The following DIP2C variants were observed in gnomAD, a reference collection of about 807,000 sequenced individuals.
The protein encoded by DIP2C is DIP2 acetate--CoA ligase C (putative), also known as disco-interacting protein 2 homolog C.
Under a neutral mutation model 192.4 loss-of-function variants are expected in DIP2C, and 33 were observed. That is an observed-to-expected ratio of 0.17 (90% confidence interval 0.13 to 0.23). DIP2C has a LOEUF of 0.23. Ranked by LOEUF, DIP2C falls within the 10% of genes least tolerant of loss-of-function variation. The pLI is 1.00. For synonymous variants in DIP2C, 979 were observed against 864.1 expected, an observed-to-expected ratio of 1.13 and a Z score of -2.33; for missense variants, 1,537 against 2,110.1, an observed-to-expected ratio of 0.73 and a Z score of 5.32.
At chr10:321,494 C>G (rs982351476) in intron 31 of DIP2C, among the ~76,000 whole-genome samples, 1 of 151,300 alleles carries the variant, frequency 6.6e-6, no homozygotes, top group East Asian at 2.0e-4. Flanking sequence ...CTCCATCAGG[C>G]GTCCCCCACC....
chr10:305,729 C>CT (rs1956285762), intron 32 of DIP2C, among the ~76,000 whole-genome samples: 4 of 152,214 alleles, frequency 2.6e-5, no homozygotes, highest in Non-Finnish European at 5.9e-5. Context: ...ACTGTAGCCT[C>CT]TAACTCTCAG....
chr10:604,636 A>G (rs1852337510), intron 1 of DIP2C, among the ~76,000 whole-genome samples: 1 of 152,262 alleles, frequency 6.6e-6, no homozygotes, highest in African/African-American at 2.4e-5. Flanking sequence ...CTTATTACAA[A>G]ACAGCTTCTC....
At chr10:504,719 G>A (rs1442796252) in intron 1 of DIP2C, among the ~76,000 whole-genome samples, 2 of 152,226 alleles carry the variant, frequency 1.3e-5, no homozygotes, top group African/African-American at 4.8e-5. Flanking sequence ...ACATCTTACT[G>A]TTTCCTAAGA....
chr10:329,442 C>G lies in DIP2C; in HGVS notation c.3744G>C (p.Glu1248Asp). ...CAAGGGAGCTGCTTACCTTGAGGGA[C>G]TCTGTTTGCGAGCCCAGCCCCTTGG... Reference protein sequence around the residue: ...LCTKGLGSQTESLKARGLDLS... With the variant: ...LCTKGLGSQTDSLKARGLDLS... The change falls in exon 30 of 37, where the codon GAG becomes GAC. Residue 1248 changes from glutamate (E) to aspartate (D), a missense_variant. Physicochemically the swap from Glu to Asp is conservative, Grantham distance 45. Transcript: ENST00000280886. The G allele has an allele frequency of 6.2e-7, 1 of 1,613,376 alleles. No individual in the cohort carries two copies. Among genetic ancestry groups the G allele is most frequent in the South Asian group, 1.1e-5 (1 of 90,916 alleles).
intron 1 of DIP2C, among the ~76,000 whole-genome samples, chr10:686,265 C>T (rs2097841432): frequency 6.6e-6 from 1 of 151,968 alleles, no homozygotes; most frequent in Non-Finnish European, 1.5e-5. Flanking sequence ...GCCTCCTCAC[C>T]TGCAGGGCCT....
chr10:490,006 G>A (rs1429865639), intron 1 of DIP2C, among the ~76,000 whole-genome samples: 2 of 52,804 alleles, frequency 3.8e-5, no homozygotes, highest in African/African-American at 1.1e-4. Flanking sequence ...TGGCTCTGAC[G>A]GTGCCTGGGG....
intron 9 of DIP2C, among the ~76,000 whole-genome samples, chr10:405,023 A>C (rs1175913784): frequency 1.3e-5 from 2 of 152,352 alleles, no homozygotes; most frequent in East Asian, 3.9e-4. Flanking sequence ...AAAAAACACC[A>C]GGAAACGTTA....
At chr10:574,382 T>TA (rs1223352277) in intron 1 of DIP2C, among the ~76,000 whole-genome samples, 2 of 152,188 alleles carry the variant, frequency 1.3e-5, no homozygotes, top group Non-Finnish European at 2.9e-5. Context: ...ATACAAATGA[T>TA]AAAGTAGAAT....
chr10:450,379 T>C (rs887812255), intron 3 of DIP2C, among the ~76,000 whole-genome samples: 10 of 152,230 alleles, frequency 6.6e-5, no homozygotes, highest in African/African-American at 2.4e-4. Context: ...AGATTTAAGA[T>C]GTTTACGTAT....
intron 31 of DIP2C, among the ~76,000 whole-genome samples, chr10:324,019 G>A (rs372469381): frequency 1.3e-5 from 2 of 152,212 alleles, no homozygotes; most frequent in East Asian, 3.9e-4. Context: ...GGCTGCCTTC[G>A]CTGGACTCTC....
chr10:385,496 T>C (rs1245104665), intron 14 of DIP2C, among the ~76,000 whole-genome samples: 1 of 152,226 alleles, frequency 6.6e-6, no homozygotes, highest in African/African-American at 2.4e-5. Flanking sequence ...CCCGGTGTGT[T>C]ATGCTAACTT....
intron 1 of DIP2C, among the ~76,000 whole-genome samples, chr10:508,929 G>C (rs1417580070): frequency 6.6e-6 from 1 of 152,172 alleles, no homozygotes; most frequent in African/African-American, 2.4e-5. Flanking sequence ...TCCACCTCCA[G>C]GGTCAGCCAC....
At chr10:375,890 C>T (rs1403361569) in intron 17 of DIP2C, among the ~76,000 whole-genome samples, 3 of 152,016 alleles carry the variant, frequency 2.0e-5, no homozygotes, top group South Asian at 2.1e-4. Context: ...TTATCTTATA[C>T]GGGCGATCTC....
chr10:385,077 C>A (rs1962771258), intron 14 of DIP2C, among the ~76,000 whole-genome samples: 1 of 151,446 alleles, frequency 6.6e-6, no homozygotes, highest in Admixed American at 6.6e-5. Flanking sequence ...TCAGGGAGCG[C>A]CACGGACACC....
At chr10:367,402 G>A (rs753192731) in intron 18 of DIP2C, among the ~76,000 whole-genome samples, 4 of 149,554 alleles carry the variant, frequency 2.7e-5, no homozygotes, top group Non-Finnish European at 4.4e-5. Flanking sequence ...GGGCGACAGC[G>A]AGACTCCGTC....
At chr10:586,678 C>A (rs1851053124) in intron 1 of DIP2C, among the ~76,000 whole-genome samples, 1 of 152,230 alleles carries the variant, frequency 6.6e-6, no homozygotes, top group South Asian at 2.1e-4. Context: ...GGGAAAAACA[C>A]CATCTCAAGA....
rs146673735 is a variant in DIP2C, at chr10:538,331, T to C, written c.86-51801A>G. Among the ~76,000 whole-genome samples the C allele has an allele frequency of 2.9e-4, 44 of 152,256 alleles. 2 individuals carry two copies. The East Asian group carries it at 8.3e-3, about 29-fold the overall frequency. On this transcript the variant is annotated intron_variant, in intron 1 of 36. Transcript: ENST00000280886. ...ACCACCACACTCGGCTAGTTCTTTT[T>C]TGTAGAGATGGGATCTTGCTATCTG...
At chr10:323,779 G>A (rs966237774) in intron 31 of DIP2C, among the ~76,000 whole-genome samples, 5 of 152,016 alleles carry the variant, frequency 3.3e-5, no homozygotes, top group Non-Finnish European at 5.9e-5. Flanking sequence ...AACATTTCAG[G>A]CTTTCCTTAT....
In DIP2C at chr10:524,254, C is replaced by G. The variant is rs146595537; in HGVS notation, c.86-37724G>C. Among the ~76,000 whole-genome samples the G allele has an allele frequency of 5.2e-3, 791 of 152,320 alleles. 8 individuals carry two copies. Among genetic ancestry groups the G allele is most frequent in the African/African-American group, 0.018 (743 of 41,574 alleles). ...TTCTTGAAGTGGCTGCAGAAAAACC[C>G]CTGCTTCCAAACCCTGGTACAGACT... On this transcript the variant is annotated intron_variant, in intron 1 of 36. Transcript: ENST00000280886.
Sources: gnomAD v4.1 joint callset for allele counts (sites outside exome capture counted in the v4.1 genomes callset) on GRCh38, gnomAD v4.1.1 for gene constraint, MANE v1.5 for transcripts, NCBI Gene and HGNC (gene_info 2026-07-23, HGNC 2026-07-21) for gene names.